SYT10: variants seen among roughly 807,000 people sequenced by gnomAD.
SYT10 encodes synaptotagmin 10, also known as synaptotagmin-10.
Under a neutral mutation model 51.1 loss-of-function variants are expected in SYT10, and 31 were observed. That is an observed-to-expected ratio of 0.61 (90% confidence interval 0.46 to 0.82). The LOEUF (loss-of-function observed/expected upper bound fraction) is 0.82. SYT10 is among the 40% of genes least tolerant of loss of function. The pLI, the probability that SYT10 is intolerant of heterozygous loss-of-function variation, is 0.00. For missense variants in SYT10, 603 were observed against 634.0 expected (o/e 0.95, Z 0.53); for synonymous variants, 233 against 225.9 (o/e 1.03, Z -0.28).
In SYT10 at chr12:33,376,565, C is replaced by T; in HGVS notation, c.*265G>A. On this transcript the variant is annotated 3_prime_UTR_variant, in exon 7 of 7. Transcript: ENST00000228567. ...ACATTTCATATGCAAAGAATTACAA[C>T]ATAGTAAAACACTCTTTGTGCTAAC... 2.2e-6 allele frequency: 1 copy of T among 457,166 alleles called. No homozygotes were observed. Among genetic ancestry groups the T allele is most frequent in the Non-Finnish European group, 3.9e-6 (1 of 253,900 alleles). The allele number at this position is 457,166 out of a possible 1,614,324, so 28.3% of individuals were successfully genotyped here. A position where few individuals can be genotyped will look rare whatever the true frequency, so the allele number is the denominator to read the frequency against.
intron 2 of SYT10, among the ~76,000 whole-genome samples, chr12:33,419,988 G>C (rs1457344420): frequency 1.3e-5 from 2 of 152,124 alleles, no homozygotes; most frequent in African/African-American, 4.8e-5. Context: ...TCTATGCTCA[G>C]TGTGCAATTT....
chr12:33,406,904 A>G lies in SYT10; in HGVS notation c.962T>C (p.Phe321Ser). Residue 321 changes from phenylalanine (F) to serine (S), a missense_variant, in exon 3 of 7, where the codon TTT becomes TCT. Physicochemically the swap from Phe to Ser is radical, Grantham distance 155. Transcript: ENST00000228567. Reference sequence around the variant, plus strand: ...CATGTCATGTCTAGAAAATCTGTCAAAATCATACACACTGAAATGTAGTTT... The same window carrying G: ...CATGTCATGTCTAGAAAATCTGTCAGAATCATACACACTGAAATGTAGTTT... ...NRKLHFSVYD[F>S]DRFSRHDMIG... 5 of 1,614,114 alleles carry G rather than the reference A, an allele frequency of 3.1e-6. No individual in the cohort carries two copies. The highest frequency in any genetic ancestry group is 4.2e-6 in the Non-Finnish European group (5 of 1,180,022).
At chr12:33,389,706 T>C (rs1866187739) in intron 3 of SYT10, among the ~76,000 whole-genome samples, 1 of 152,206 alleles carries the variant, frequency 6.6e-6, no homozygotes, top group Admixed American at 6.5e-5. Context: ...ACTTAGCACC[T>C]TGAATGCAGC....
At chr12:33,386,745 G>A (rs1866159837) in intron 3 of SYT10, among the ~76,000 whole-genome samples, 1 of 152,220 alleles carries the variant, frequency 6.6e-6, no homozygotes, top group South Asian at 2.1e-4. Flanking sequence ...TAACACCCAG[G>A]AGAGCAGGGT....
At position 33,379,753 on chromosome 12, in the gene SYT10, A is replaced by C. The variant is rs1866097605; in HGVS notation, c.1500+79T>G. 7.2e-6 allele frequency: 11 copies of C among 1,533,566 alleles called. No individual in the cohort carries two copies. The South Asian group carries it at 1.4e-4, about 19-fold the overall frequency. The allele number at this position is 1,533,566 out of a possible 1,614,324, so 95.0% of individuals were successfully genotyped here. On this transcript the variant is annotated intron_variant, in intron 6 of 6. Transcript: ENST00000228567. ...AACAAGGGTGAATACATAAAATATC[A>C]GATAAAGGTTAGCAAATAAATAATA...
chr12:33,395,349 T>C (rs1866247099), intron 3 of SYT10, among the ~76,000 whole-genome samples: 1 of 152,224 alleles, frequency 6.6e-6, no homozygotes, highest in Admixed American at 6.5e-5. Flanking sequence ...CTTGTCACTA[T>C]ATGAGTGTGT....
At chr12:33,381,425 T>C (rs1591980385) in intron 5 of SYT10, among the ~76,000 whole-genome samples, 2 of 152,256 alleles carry the variant, frequency 1.3e-5, no homozygotes, top group East Asian at 3.9e-4. Flanking sequence ...TAAGGTACTG[T>C]TTATGTGTTG....
At chr12:33,424,289 T>C (rs1174610694) in intron 2 of SYT10, among the ~76,000 whole-genome samples, 1 of 152,090 alleles carries the variant, frequency 6.6e-6, no homozygotes, top group Admixed American at 6.6e-5. Flanking sequence ...ACTCAACAGG[T>C]AATATTTTGG....
In SYT10 at chr12:33,404,422, G is replaced by A. The variant is rs140368710; in HGVS notation, c.1077+2367C>T. Among the ~76,000 whole-genome samples the A allele has an allele frequency of 5.9e-3, 902 of 151,928 alleles. 4 individuals carry two copies. The highest frequency in any genetic ancestry group is 0.012 in the African/African-American group (496 of 41,436). On this transcript the variant is annotated intron_variant, in intron 3 of 6. Coordinates refer to ENST00000228567, the MANE Select transcript of SYT10 (RefSeq NM_198992.4). ...TTATTTTTTTTTGAGATGGAGTCTC[G>A]CTCTGTTGCCCAGGCTGGAGTGCAG... is the stretch of plus-strand genomic sequence containing the variant.
Position 33,406,795 on chromosome 12 carries a change from A to G in SYT10, c.1071T>C (p.Ala357=). The change falls in exon 3 of 7, where the codon GCT becomes GCC. Residue 357 remains alanine (A), a synonymous_variant. Coordinates refer to ENST00000228567, the MANE Select transcript of SYT10 (RefSeq NM_198992.4). ...EATVWKDIHC[A]TTESIDLGEI... ...TGGTGGAATTACTACTTACTGTGGT[A>G]GCACAGTGAATATCTTTCCATACTG... The G allele has an allele frequency of 2.5e-6, 4 of 1,606,186 alleles. No homozygotes were observed. The highest frequency in any genetic ancestry group is 3.4e-6 in the Non-Finnish European group (4 of 1,176,948).
At chr12:33,398,404 T>C (rs1443095298) in intron 3 of SYT10, among the ~76,000 whole-genome samples, 3 of 151,900 alleles carry the variant, frequency 2.0e-5, no homozygotes, top group Admixed American at 1.3e-4. Flanking sequence ...TCACAGCTAC[T>C]TGGGAGGCTG....
At chr12:33,390,772 T>C (rs1318415764) in intron 3 of SYT10, among the ~76,000 whole-genome samples, 2 of 152,288 alleles carry the variant, frequency 1.3e-5, no homozygotes, top group Non-Finnish European at 2.9e-5. Context: ...CTTCTAGTCA[T>C]TGAAGAAACA....
chr12:33,433,191 G>A (rs1866610746), intron 1 of SYT10, among the ~76,000 whole-genome samples: 1 of 152,134 alleles, frequency 6.6e-6, no homozygotes, highest in Non-Finnish European at 1.5e-5. Context: ...GTGCCAGTTA[G>A]ACAAAAGACC....
intron 3 of SYT10, among the ~76,000 whole-genome samples, chr12:33,395,383 G>A (rs1397556325): frequency 2.6e-5 from 4 of 152,240 alleles, no homozygotes; most frequent in Non-Finnish European, 5.9e-5. Flanking sequence ...TAGTTATACT[G>A]GTTAAATGCA....
intron 1 of SYT10, among the ~76,000 whole-genome samples, chr12:33,431,025 C>T (rs1296548900): frequency 6.6e-6 from 1 of 152,106 alleles, no homozygotes; most frequent in Admixed American, 6.6e-5. Flanking sequence ...GCAGATTTAT[C>T]AACTCTAAGG....
intron 1 of SYT10, among the ~76,000 whole-genome samples, chr12:33,437,697 T>G (rs548868598): frequency 1.3e-5 from 2 of 152,132 alleles, no homozygotes; most frequent in African/African-American, 4.8e-5. Flanking sequence ...GTGTAGCCCC[T>G]TCTCTGAGTG....
chr12:33,400,896 C>T (rs1055515349), intron 3 of SYT10, among the ~76,000 whole-genome samples: 2 of 151,938 alleles, frequency 1.3e-5, no homozygotes, highest in Non-Finnish European at 2.9e-5. Context: ...CATGGTAGCA[C>T]ATGCTGTAAT....
At chr12:33,416,131 A>G (rs1477039766) in intron 2 of SYT10, among the ~76,000 whole-genome samples, 2 of 122,022 alleles carry the variant, frequency 1.6e-5, no homozygotes, top group Non-Finnish European at 3.6e-5. Context: ...CCCAGGCTGG[A>G]GTGCAGTGGT....
Position 33,434,420 on chromosome 12 carries a change from T to G in SYT10, c.151+4952A>C, listed in dbSNP as rs73313938. 3.0e-3 allele frequency among the ~76,000 whole-genome samples: 457 copies of G among 152,318 alleles called. 2 individuals carry two copies. The highest frequency in any genetic ancestry group is 0.01 in the African/African-American group (430 of 41,580). On this transcript the variant is annotated intron_variant, in intron 1 of 6. Coordinates refer to ENST00000228567, the MANE Select transcript of SYT10 (RefSeq NM_198992.4). ...ATACAATTTAGTTGCAGAAGAGATT[T>G]GGAGGTTATTAAGTAAGACTCATTA...
Sources: gnomAD v4.1 joint callset for allele counts (sites outside exome capture counted in the v4.1 genomes callset) on GRCh38, gnomAD v4.1.1 for gene constraint, MANE v1.5 for transcripts, NCBI Gene and HGNC (gene_info 2026-07-23, HGNC 2026-07-21) for gene names.